Variants in PEX5 observed in about 807,000 individuals in gnomAD.
PEX5 encodes the protein PTS1 receptor.
PEX5 carries 52 observed loss-of-function variants against 82.9 expected under a neutral mutation model. The observed-to-expected ratio is 0.63, with a 90% CI of 0.50 to 0.79. PEX5 has a LOEUF of 0.79. Among genes scored for constraint, PEX5 ranks in the 30% least tolerant of loss-of-function variants. The pLI is 0.00. For synonymous variants in PEX5, 300 were observed against 318.8 expected (o/e 0.94, Z 0.63); for missense variants, 719 against 815.2 (o/e 0.88, Z 1.44).
rs1201248074 is a variant in PEX5 at position 7,204,600 on chromosome 12, TAAGG to T, written c.966+1053_966+1056del. 6.6e-5 allele frequency among the ~76,000 whole-genome samples: 10 copies of T among 152,332 alleles called. No individual in the cohort carries two copies. In the South Asian group the frequency reaches 1.2e-3, roughly 19 times the overall value. On this transcript the variant is annotated intron_variant, in intron 10 of 15. Coordinates refer to ENST00000675855, the MANE Select transcript of PEX5 (RefSeq NM_001351132.2). ...ATGAGTTCATTGTATATAATTTTGA[TAAGG>T]AAGAACTGAAGGAAATATAGATAAC... is the stretch of plus-strand genomic sequence containing the variant.
At chr12:7,206,612 G>A (rs1944833540) in intron 10 of PEX5, among the ~76,000 whole-genome samples, 1 of 152,078 alleles carries the variant, frequency 6.6e-6, no homozygotes, top group Non-Finnish European at 1.5e-5. Context: ...ACCCCCCATT[G>A]TAATTATTTA....
intron 3 of PEX5, 41 bp downstream of exon 3, chr12:7,190,964 C>T: frequency 6.3e-7 from 1 of 1,582,930 alleles, no homozygotes; most frequent in African/African-American, 1.3e-5. Flanking sequence ...TTTTCTCTTG[C>T]CCACTGTGTT....
chr12:7,207,970 G>A lies in PEX5; in HGVS notation c.1111-40G>A, dbSNP rs1339363829. The A allele has an allele frequency of 1.7e-5, 26 of 1,567,978 alleles. 1 individual carries two copies. The Admixed American group carries it at 4.3e-4, about 26-fold the overall frequency. On this transcript the variant is annotated intron_variant, in intron 11 of 15. Coordinates refer to ENST00000675855, the MANE Select transcript of PEX5 (RefSeq NM_001351132.2). ...AGCCAGGGGGAAGGGCGAATGGAGA[G>A]GTGAATATGGGGTGATGGAATCTGT...
At chr12:7,191,523 T>C (rs1565672927) in intron 4 of PEX5, 46 bp from the exon 5 acceptor site, 3 of 1,610,674 alleles carry the variant, frequency 1.9e-6, no homozygotes, top group African/African-American at 2.7e-5. Flanking sequence ...CATGATGGAA[T>C]GGTATGTATG....
intron 10 of PEX5, 57 bp downstream of exon 10, chr12:7,203,608 T>G: frequency 6.5e-7 from 1 of 1,545,284 alleles, no homozygotes; most frequent in Non-Finnish European, 8.8e-7. Flanking sequence ...TTTAACGTCT[T>G]TCCTTTAATC....
chr12:7,195,626 T>C (rs1941942779), intron 5 of PEX5, among the ~76,000 whole-genome samples: 1 of 151,666 alleles, frequency 6.6e-6, no homozygotes, highest in Non-Finnish European at 1.5e-5. Flanking sequence ...TTTTTTTTTT[T>C]GTCCTTGAGA....
At chr12:7,199,317 A>C (rs1943314378) in intron 6 of PEX5, among the ~76,000 whole-genome samples, 6 of 151,278 alleles carry the variant, frequency 4.0e-5, no homozygotes, top group Admixed American at 3.3e-4. Context: ...AAGTGAACAA[A>C]GGTCTCTGGT....
downstream of PEX5, among the ~76,000 whole-genome samples, chr12:7,216,036 C>T (rs936541224): frequency 1.3e-5 from 2 of 152,102 alleles, no homozygotes; most frequent in African/African-American, 4.8e-5. Flanking sequence ...GGCACGATCT[C>T]GGCTCACTGC....
At chr12:7,201,228 C>T (rs1010320646) in intron 6 of PEX5, among the ~76,000 whole-genome samples, 5 of 150,698 alleles carry the variant, frequency 3.3e-5, no homozygotes, top group South Asian at 2.1e-4. Flanking sequence ...TATATACACA[C>T]GTATACATAT....
downstream of PEX5, among the ~76,000 whole-genome samples, chr12:7,212,483 A>T (rs867855784): frequency 1.7e-5 from 1 of 59,074 alleles, no homozygotes; most frequent in East Asian, 3.0e-4. Context: ...AAAAAAAAAA[A>T]AAAAACCCAA....
intron 10 of PEX5, among the ~76,000 whole-genome samples, chr12:7,207,242 A>C (rs1443702304): frequency 6.6e-6 from 1 of 152,190 alleles, no homozygotes; most frequent in Non-Finnish European, 1.5e-5. Context: ...CATTTCCTTT[A>C]TACATCATCA....
At chr12:7,203,643 T>C (rs1369507748) in intron 10 of PEX5, 92 bp downstream of exon 10, 2 of 1,272,716 alleles carry the variant, frequency 1.6e-6, no homozygotes, top group African/African-American at 1.5e-5. Context: ...TGCTTTTAAG[T>C]ATTTTCTTGA....
intron 10 of PEX5, 60 bp downstream of exon 10, chr12:7,203,611 CT>C: frequency 6.5e-7 from 1 of 1,532,370 alleles, no homozygotes; most frequent in Non-Finnish European, 8.9e-7. Context: ...AACGTCTTTC[CT>C]TTAATCCTGA....
intron 10 of PEX5, among the ~76,000 whole-genome samples, chr12:7,205,414 T>A (rs571171963): frequency 6.6e-6 from 1 of 152,226 alleles, no homozygotes; most frequent in Non-Finnish European, 1.5e-5. Flanking sequence ...TTGAATGCAC[T>A]GTTTGTTTAT....
chr12:7,208,331 T>G, intron 12 of PEX5, 126 bp from the exon 13 acceptor site: 4 of 774,068 alleles, frequency 5.2e-6, no homozygotes, highest in Non-Finnish European at 4.5e-6. Context: ...TTAACTCATG[T>G]CAGAGGAGTC....
At chr12:7,202,500 A>AG (rs1325514507) in intron 8 of PEX5, 112 bp from the exon 9 acceptor site, 10 of 1,399,182 alleles carry the variant, frequency 7.1e-6, no homozygotes, top group Non-Finnish European at 1.0e-5. Context: ...AGAGATTCTG[A>AG]GAATGATTTT....
chr12:7,197,305 TAATGTAATCATATGTCATATAC>T (rs1942789612), intron 5 of PEX5, among the ~76,000 whole-genome samples: 5 of 76,340 alleles, frequency 6.5e-5, no homozygotes, highest in Non-Finnish European at 1.3e-4. Flanking sequence ...ATGTCATATA[TAATGTAATCATATGTCATATAC>T]AATGTAATAA....
chr12:7,215,089 G>A (rs1255711219), downstream of PEX5, among the ~76,000 whole-genome samples: 1 of 152,058 alleles, frequency 6.6e-6, no homozygotes, highest in East Asian at 1.9e-4. Context: ...TTTTATAAAT[G>A]GACAAAGGAC....
chr12:7,202,038 C>CT (rs1244009094), intron 7 of PEX5, 197 bp downstream of exon 7: 2 of 828,322 alleles, frequency 2.4e-6, no homozygotes, highest in Non-Finnish European at 3.9e-6. Flanking sequence ...CCTACTAACT[C>CT]TTTTTTCTGA....
Sources: allele counts gnomAD v4.1 joint callset (sites outside exome capture counted in the v4.1 genomes callset), GRCh38; gene constraint gnomAD v4.1.1; transcripts MANE v1.5; gene names NCBI Gene and HGNC (gene_info 2026-07-23, HGNC 2026-07-21).